The following EYA3 variants were observed in gnomAD, a reference collection of about 807,000 sequenced individuals.
EYA3 encodes protein phosphatase EYA3.
A neutral mutation model predicts 80.0 loss-of-function variants in EYA3; 39 were observed. The ratio of observed to expected loss-of-function variants is 0.49; its 90% CI spans 0.38 to 0.64. EYA3 has a LOEUF of 0.64. EYA3 is among the 30% of genes least tolerant of loss of function. EYA3 has a pLI of 0.00. For synonymous variants in EYA3, 206 were observed against 232.8 expected (o/e 0.88, Z 1.05); for missense variants, 523 against 676.1 (o/e 0.77, Z 2.51).
Position 28,048,275 on chromosome 1 carries a change from G to A in EYA3, c.77+108C>T, listed in dbSNP as rs2148877194. The A allele has an allele frequency of 4.8e-6, 3 of 629,272 alleles. 1 individual carries two copies. Among genetic ancestry groups the A allele is most frequent in the Admixed American group, 6.6e-5 (2 of 30,090 alleles). 39.0% of individuals were successfully genotyped at this position (629,272 alleles called of 1,614,324 possible). ...ATAATTTCAAAATGTAACAGCTGAT[G>A]GTAAGAACCAAAAAGAGGGCAAAGC... On this transcript the variant is annotated intron_variant, in intron 3 of 17. Coordinates refer to ENST00000373871, the MANE Select transcript of EYA3 (RefSeq NM_001990.4).
intron 2 of EYA3, among the ~76,000 whole-genome samples, chr1:28,049,195 T>C (rs987908263): frequency 3.9e-5 from 6 of 152,180 alleles, no homozygotes; most frequent in South Asian, 4.1e-4. Flanking sequence ...GGTGGAATCA[T>C]AGATATTTAA....
chr1:27,988,534 C>T lies in EYA3; in HGVS notation c.1540+1G>A, dbSNP rs1395981973. 1 of 1,612,142 alleles carries T rather than the reference C, an allele frequency of 6.2e-7. No homozygotes were observed. The highest frequency in any genetic ancestry group is 1.3e-5 in the African/African-American group (1 of 74,772). ...GACAAGAAACAGCATAGAAACCATA[C>T]CAATTTTGGTAGCACTATAGATGTT... On this transcript the variant is annotated splice_donor_variant, in intron 16 of 17. Transcript: ENST00000373871. LOFTEE classifies it high-confidence loss of function.
Position 28,055,261 on chromosome 1 carries a change from C to T in EYA3, c.33+2733G>A, listed in dbSNP as rs188155602. Among the ~76,000 whole-genome samples the T allele has an allele frequency of 1.4e-3, 220 of 152,188 alleles. 1 individual carries two copies. The highest frequency in any genetic ancestry group is 5.1e-3 in the African/African-American group (212 of 41,518). The stretch of plus-strand genomic sequence containing the variant: ...TCAATCCACTGCTGTTCTTTATACT[C>T]TATTCTCCAAGTAGAGGCTGTACAA... On this transcript the variant is annotated intron_variant, in intron 2 of 17. Transcript: ENST00000373871.
chr1:28,012,876 G>A (rs1179060923), intron 9 of EYA3, among the ~76,000 whole-genome samples: 2 of 152,170 alleles, frequency 1.3e-5, no homozygotes, highest in Non-Finnish European at 2.9e-5. Flanking sequence ...GGTAGAGTAC[G>A]AGTCAGAAAG....
intron 6 of EYA3, 63 bp downstream of exon 6, chr1:28,035,481 G>A: frequency 6.3e-6 from 10 of 1,578,368 alleles, no homozygotes; most frequent in African/African-American, 4.0e-5. Flanking sequence ...ATGCATGGCT[G>A]ATCAAAGTTT....
chr1:28,051,947 TA>T (rs1413868751), intron 2 of EYA3, among the ~76,000 whole-genome samples: 1 of 137,224 alleles, frequency 7.3e-6, no homozygotes, highest in African/African-American at 2.9e-5. Context: ...CCAGAATAGC[TA>T]AAACAATCTT....
intron 1 of EYA3, among the ~76,000 whole-genome samples, chr1:28,062,256 G>GA (rs556117415): frequency 4.3e-4 from 65 of 152,214 alleles, no homozygotes; most frequent in Non-Finnish European, 8.1e-4. Context: ...AGAATTCTGA[G>GA]AAAATTTTAA....
intron 11 of EYA3, among the ~76,000 whole-genome samples, chr1:28,000,850 C>T (rs1289014727): frequency 6.6e-6 from 1 of 152,138 alleles, no homozygotes; most frequent in East Asian, 1.9e-4. Flanking sequence ...ACTGCTCGAG[C>T]CCAGGAGTTT....
intron 6 of EYA3, among the ~76,000 whole-genome samples, chr1:28,028,582 C>CT (rs35508691): frequency 0.23 from 33,555 of 143,132 alleles, 3,956 homozygotes; most frequent in Non-Finnish European, 0.27. Context: ...TCTTCTTCTT[C>CT]TTTTTTTTTT....
chr1:28,065,667 T>C (rs528553890), intron 1 of EYA3, among the ~76,000 whole-genome samples: 1 of 152,092 alleles, frequency 6.6e-6, no homozygotes, highest in South Asian at 2.1e-4. Flanking sequence ...GTATCTGTAT[T>C]GCCAGCAACA....
intron 1 of EYA3, among the ~76,000 whole-genome samples, chr1:28,081,736 A>T (rs1009358283): frequency 3.3e-5 from 5 of 152,226 alleles, no homozygotes; most frequent in Admixed American, 1.3e-4. Flanking sequence ...GTCACTATGG[A>T]AACTAAAGAA....
chr1:28,035,727 T>C, intron 5 of EYA3, 47 bp from the exon 6 acceptor site: 2 of 1,579,836 alleles, frequency 1.3e-6, no homozygotes, highest in South Asian at 2.2e-5. Flanking sequence ...TTTACTTTAG[T>C]AACGAAAAAT....
At chr1:28,058,755 A>G (rs1209639853) in intron 1 of EYA3, among the ~76,000 whole-genome samples, 1 of 152,230 alleles carries the variant, frequency 6.6e-6, no homozygotes, top group Non-Finnish European at 1.5e-5. Context: ...CAATTATTTA[A>G]GCAAAATCTT....
intron 2 of EYA3, among the ~76,000 whole-genome samples, chr1:28,053,272 G>A (rs929197659): frequency 4.0e-5 from 6 of 151,492 alleles, no homozygotes; most frequent in African/African-American, 7.3e-5. Flanking sequence ...CACTGTATAC[G>A]CTAAAAGGGT....
chr1:28,027,872 G>A lies in EYA3; in HGVS notation c.416C>T (p.Pro139Leu). 1 of 1,614,088 alleles carries A rather than the reference G, an allele frequency of 6.2e-7. No individual in the cohort carries two copies. Among genetic ancestry groups the A allele is most frequent in the Non-Finnish European group, 8.5e-7 (1 of 1,179,990 alleles). The change falls in exon 7 of 18, where the codon CCA (proline) becomes CTA (leucine). Residue 139 changes from proline to leucine, a missense_variant. Pro to Leu is a moderately conservative substitution (Grantham distance 98). Coordinates refer to ENST00000373871, the MANE Select transcript of EYA3 (RefSeq NM_001990.4). The part of the protein sequence containing the change: ...PESGLIQTPS[P>L]SQHSVLTCTT... Reference sequence around the variant, plus strand: ...GCAGGTAAGAACACTGTGTTGACTTGGAGATGGAGTCTGAATTAAACCACT... The same window carrying A: ...GCAGGTAAGAACACTGTGTTGACTTAGAGATGGAGTCTGAATTAAACCACT...
chr1:27,998,372 C>A, intron 12 of EYA3: 1 of 951,886 alleles, frequency 1.1e-6, no homozygotes, highest in Non-Finnish European at 1.3e-6. Flanking sequence ...ATTACAAATA[C>A]AATTGGCAAT....
intron 2 of EYA3, among the ~76,000 whole-genome samples, chr1:28,056,313 A>G (rs1270406404): frequency 1.4e-5 from 2 of 142,840 alleles, no homozygotes; most frequent in Non-Finnish European, 3.2e-5. Context: ...AAACTAGTCA[A>G]CGCTAAGCTG....
At chr1:27,988,919 G>C (rs1372987526) in intron 15 of EYA3, among the ~76,000 whole-genome samples, 1 of 152,028 alleles carries the variant, frequency 6.6e-6, no homozygotes, top group Non-Finnish European at 1.5e-5. Flanking sequence ...TTTCCCCTCT[G>C]ACCATTCTAG....
At chr1:28,054,555 T>C (rs1056866777) in intron 2 of EYA3, among the ~76,000 whole-genome samples, 1 of 152,214 alleles carries the variant, frequency 6.6e-6, no homozygotes, top group Non-Finnish European at 1.5e-5. Flanking sequence ...GCTAAACCAG[T>C]GTTTATCATC....
Sources: gnomAD v4.1 joint callset for allele counts (sites outside exome capture counted in the v4.1 genomes callset) on GRCh38, gnomAD v4.1.1 for gene constraint, MANE v1.5 for transcripts, NCBI Gene and HGNC (gene_info 2026-07-23, HGNC 2026-07-21) for gene names.